The following PANK1 variants were observed in gnomAD, a reference collection of about 807,000 sequenced individuals.
PANK1 encodes pantothenate kinase 1.
A neutral mutation model predicts 40.1 loss-of-function variants in PANK1; 18 were observed. The ratio of observed to expected loss-of-function variants is 0.45; its 90% CI spans 0.31 to 0.67. The LOEUF is 0.67. PANK1 is among the 30% of genes least tolerant of loss of function. PANK1 has a pLI of 0.06. For synonymous variants in PANK1, 242 were observed against 237.7 expected, an observed-to-expected ratio of 1.02 and a Z score of -0.17; for missense variants, 457 against 599.6, an observed-to-expected ratio of 0.76 and a Z score of 2.48.
At position 89,645,146 on chromosome 10, in the gene PANK1, G is replaced by A; in HGVS notation, c.-255C>T. The A allele has an allele frequency of 1.3e-6, 2 of 1,518,346 alleles. No homozygotes were observed. Among genetic ancestry groups the A allele is most frequent in the Non-Finnish European group, 1.8e-6 (2 of 1,136,468 alleles). The allele number at this position is 1,518,346 out of a possible 1,614,324, so 94.1% of individuals were successfully genotyped here. Reference sequence around the variant, plus strand: ...ACGCCAGCCCCGGGCGCGGAATCGGGGATCCCCGCGCACCCCCAGCCGGGG... The same window carrying A: ...ACGCCAGCCCCGGGCGCGGAATCGGAGATCCCCGCGCACCCCCAGCCGGGG... On this transcript the variant is annotated 5_prime_UTR_variant, in exon 1 of 7. Transcript: ENST00000307534.
chr10:89,638,633 C>T (rs1254804958), intron 1 of PANK1, among the ~76,000 whole-genome samples: 1 of 152,190 alleles, frequency 6.6e-6, no homozygotes, highest in Non-Finnish European at 1.5e-5. Context: ...CATCAAATAT[C>T]GTAGTTTATT....
intron 1 of PANK1, among the ~76,000 whole-genome samples, chr10:89,644,295 A>C (rs1781446480): frequency 6.6e-6 from 1 of 152,270 alleles, no homozygotes; most frequent in East Asian, 1.9e-4. Flanking sequence ...CCCAGCCACC[A>C]ATTAGAAGGG....
intron 1 of PANK1, among the ~76,000 whole-genome samples, chr10:89,621,275 T>C (rs1011994121): frequency 2.0e-5 from 3 of 151,360 alleles, no homozygotes; most frequent in African/African-American, 7.3e-5. Context: ...CACTCCAGCC[T>C]GGGCAATAAG....
chr10:89,613,982 A>C (rs1216361943), intron 1 of PANK1: 1 of 456,610 alleles, frequency 2.2e-6, no homozygotes, highest in Non-Finnish European at 4.4e-6. Flanking sequence ...TTGCATTAAA[A>C]TTATCTCGAA....
intron 1 of PANK1, among the ~76,000 whole-genome samples, chr10:89,636,316 G>GTTACTA (rs1841808020): frequency 1.6e-5 from 1 of 63,938 alleles, no homozygotes; most frequent in South Asian, 7.4e-4. Flanking sequence ...TGCATCCACA[G>GTTACTA]TTATTATTAT....
intron 3 of PANK1, among the ~76,000 whole-genome samples, chr10:89,598,526 C>A (rs974252307): frequency 6.6e-6 from 1 of 152,222 alleles, no homozygotes; most frequent in African/African-American, 2.4e-5. Flanking sequence ...ATCAAATCCT[C>A]CTCCTAGAAT....
At chr10:89,636,477 A>C (rs958832428) in intron 1 of PANK1, among the ~76,000 whole-genome samples, 16 of 151,546 alleles carry the variant, frequency 1.1e-4, no homozygotes, top group African/African-American at 3.4e-4. Context: ...TTTGAGATGG[A>C]GTCTTACTCT....
At chr10:89,616,163 A>G (rs1050762066) in intron 1 of PANK1, among the ~76,000 whole-genome samples, 1 of 152,232 alleles carries the variant, frequency 6.6e-6, no homozygotes, top group African/African-American at 2.4e-5. Flanking sequence ...TTTGCAAACA[A>G]ATAAACTGAC....
intron 2 of PANK1, among the ~76,000 whole-genome samples, chr10:89,600,317 A>G (rs1343729288): frequency 6.6e-6 from 1 of 152,172 alleles, no homozygotes; most frequent in Non-Finnish European, 1.5e-5. Context: ...GGGACTGGGA[A>G]CTGGGGTGAA....
intron 1 of PANK1, 76 bp downstream of exon 1, chr10:89,644,524 C>A: frequency 7.4e-7 from 1 of 1,353,430 alleles, no homozygotes; most frequent in East Asian, 2.7e-5. Context: ...GCGGCGCCTG[C>A]CTCAGCCGCT....
intron 1 of PANK1, among the ~76,000 whole-genome samples, chr10:89,613,221 C>T (rs1370900622): frequency 6.6e-6 from 1 of 152,120 alleles, no homozygotes; most frequent in Non-Finnish European, 1.5e-5. Flanking sequence ...CTTTTTATTT[C>T]CCTCACAGAA....
chr10:89,637,497 G>C (rs1841856564), intron 1 of PANK1, among the ~76,000 whole-genome samples: 1 of 152,152 alleles, frequency 6.6e-6, no homozygotes, highest in South Asian at 2.1e-4. Context: ...ATAGGCAATT[G>C]TAACAATGGT....
chr10:89,598,447 G>A (rs182710248), intron 3 of PANK1, among the ~76,000 whole-genome samples: 130 of 152,308 alleles, frequency 8.5e-4, no homozygotes, highest in Non-Finnish European at 1.5e-3. Context: ...ATTCTACATG[G>A]CACTAATCTC....
At chr10:89,620,287 A>G (rs1333788696) in intron 1 of PANK1, among the ~76,000 whole-genome samples, 3 of 152,262 alleles carry the variant, frequency 2.0e-5, no homozygotes, top group Non-Finnish European at 4.4e-5. Flanking sequence ...GCTGGGCAGA[A>G]CAGAGTCATA....
In PANK1 at chr10:89,583,648, C is replaced by A. The variant is rs570085184; in HGVS notation, c.*758G>T. ...ATTTATAAGCGATAGGACAAACTTG[C>A]ATATAATTTGCAACTTTTGCCAGAC... On this transcript the variant is annotated 3_prime_UTR_variant, in exon 7 of 7. Transcript: ENST00000307534. The A allele has an allele frequency of 6.6e-6, 1 of 152,292 alleles. No individual in the cohort carries two copies. Among genetic ancestry groups the A allele is most frequent in the South Asian group, 2.1e-4 (1 of 4,820 alleles). 9.4% of individuals were successfully genotyped at this position (152,292 alleles called of 1,614,324 possible).
chr10:89,629,415 A>C (rs1411072454), intron 1 of PANK1, among the ~76,000 whole-genome samples: 1 of 152,254 alleles, frequency 6.6e-6, no homozygotes, highest in Non-Finnish European at 1.5e-5. Flanking sequence ...AAACTTTATA[A>C]AATATAAATA....
intron 2 of PANK1, among the ~76,000 whole-genome samples, chr10:89,610,537 T>C (rs1307388309): frequency 2.6e-5 from 4 of 152,208 alleles, no homozygotes; most frequent in Admixed American, 6.5e-5. Context: ...TGCCTGCCCT[T>C]ACAGAAACTT....
intron 1 of PANK1, among the ~76,000 whole-genome samples, chr10:89,616,369 T>G (rs899766064): frequency 6.6e-6 from 1 of 152,142 alleles, no homozygotes; most frequent in Non-Finnish European, 1.5e-5. Context: ...TAATAAAAAA[T>G]GGTAACAAAC....
chr10:89,626,360 A>G (rs1237680225), intron 1 of PANK1: 1 of 145,238 alleles, frequency 6.9e-6, no homozygotes, highest in Non-Finnish European at 1.5e-5. Flanking sequence ...GCTGGAGTGC[A>G]GCTGCGTGAT....
Sources: allele counts gnomAD v4.1 joint callset (sites outside exome capture counted in the v4.1 genomes callset), GRCh38; gene constraint gnomAD v4.1.1; transcripts MANE v1.5; gene names NCBI Gene and HGNC (gene_info 2026-07-23, HGNC 2026-07-21).